Variants in TNS3 observed in about 807,000 individuals in gnomAD.
TNS3 encodes the protein tensin 3.
A neutral mutation model predicts 140.9 loss-of-function variants in TNS3; 45 were observed. That is an observed-to-expected ratio of 0.32 (90% CI 0.25 to 0.41). The LOEUF is 0.41. TNS3 is among the 10% of genes least tolerant of loss of function. The pLI is 1.00. For synonymous variants in TNS3, 815 were observed against 788.4 expected (o/e 1.03, Z -0.56); for missense variants, 1,716 against 1,906.7 (o/e 0.90, Z 1.86).
chr7:47,321,878 A>C (rs1787754770), intron 20 of TNS3, among the ~76,000 whole-genome samples: 1 of 151,874 alleles, frequency 6.6e-6, no homozygotes, highest in Non-Finnish European at 1.5e-5. Flanking sequence ...TGTCTACAGC[A>C]CTCAAGCCTC....
At chr7:47,451,514 G>A (rs1490590624) in intron 4 of TNS3, among the ~76,000 whole-genome samples, 3 of 152,162 alleles carry the variant, frequency 2.0e-5, no homozygotes, top group Non-Finnish European at 4.4e-5. Flanking sequence ...CCAGGAGGTG[G>A]AGATTGCAGT....
At chr7:47,332,952 G>A (rs1042023704) in intron 20 of TNS3, among the ~76,000 whole-genome samples, 2 of 152,206 alleles carry the variant, frequency 1.3e-5, no homozygotes, top group Non-Finnish European at 2.9e-5. Context: ...GTAATGGAAT[G>A]AGCTGATAAA....
At chr7:47,503,342 G>C (rs1798296857) in intron 3 of TNS3, among the ~76,000 whole-genome samples, 1 of 151,900 alleles carries the variant, frequency 6.6e-6, no homozygotes, top group East Asian at 2.0e-4. Flanking sequence ...ATTTCCTTCA[G>C]GGGGGCACCA....
At chr7:47,338,576 T>C (rs1788765258) in intron 20 of TNS3, among the ~76,000 whole-genome samples, 1 of 152,236 alleles carries the variant, frequency 6.6e-6, no homozygotes, top group Non-Finnish European at 1.5e-5. Flanking sequence ...GCTTTTCTTT[T>C]TAATTTCAAC....
intron 4 of TNS3, among the ~76,000 whole-genome samples, chr7:47,451,067 G>A (rs1163073107): frequency 1.3e-5 from 2 of 152,320 alleles, no homozygotes; most frequent in South Asian, 2.1e-4. Flanking sequence ...CCAGGAGGTG[G>A]AGGTTGCAGT....
At chr7:47,345,395 T>C (rs1789274952) in intron 18 of TNS3, among the ~76,000 whole-genome samples, 1 of 152,230 alleles carries the variant, frequency 6.6e-6, no homozygotes. Context: ...TTACCCATGG[T>C]ATTAATATAT....
chr7:47,382,355 G>A (rs1002311136), intron 16 of TNS3, among the ~76,000 whole-genome samples: 2 of 152,160 alleles, frequency 1.3e-5, no homozygotes, highest in African/African-American at 4.8e-5. Flanking sequence ...GGCACCCACT[G>A]GTCTTCAGAT....
At chr7:47,468,992 G>A (rs1246488600) in intron 4 of TNS3, among the ~76,000 whole-genome samples, 2 of 152,142 alleles carry the variant, frequency 1.3e-5, no homozygotes, top group Non-Finnish European at 2.9e-5. Context: ...ATGGGGAAAG[G>A]ACACCTTATT....
At chr7:47,503,561 G>A (rs1281671768) in intron 3 of TNS3, among the ~76,000 whole-genome samples, 1 of 149,580 alleles carries the variant, frequency 6.7e-6, no homozygotes, top group South Asian at 2.2e-4. Flanking sequence ...AAACTTTCAA[G>A]TGATTGTACA....
Position 47,368,565 on chromosome 7 carries a change from T to G in TNS3, c.2081A>C (p.Asp694Ala). The change falls in exon 17 of 31, where the codon GAC becomes GCC. Residue 694 changes from aspartate (D) to alanine (A), a missense_variant. Asp to Ala is a moderately radical substitution (Grantham distance 126, BLOSUM62 -2). Transcript: ENST00000311160. The part of the protein sequence containing the change: ...TGPSPGSPTL[D>A]IDQSIEQLNR... Reference sequence around the variant, plus strand: ...GAGCTGCTCGATGGACTGGTCGATGTCCAGGGTGGGCGAGCCTGGGGAGGG... The same window carrying G: ...GAGCTGCTCGATGGACTGGTCGATGGCCAGGGTGGGCGAGCCTGGGGAGGG... 2 of 1,570,442 alleles carry G rather than the reference T, an allele frequency of 1.3e-6. No individual in the cohort carries two copies. The highest frequency in any genetic ancestry group is 1.7e-6 in the Non-Finnish European group (2 of 1,154,348).
In TNS3 at chr7:47,277,726, G is replaced by A. The variant is rs3210894; in HGVS notation, c.*350C>T. ...AAGGGCTGGGGATTCCTCATCCCCC[G>A]GAATGCTAGTGTGCCAGGGACATGG... On this transcript the variant is annotated 3_prime_UTR_variant, in exon 31 of 31. Transcript: ENST00000311160. 78,169 of 337,522 alleles carry A rather than the reference G, an allele frequency of 0.23. 10,464 individuals are homozygous for A. Among genetic ancestry groups the A allele is most frequent in the East Asian group, 0.5 (6,160 of 12,404 alleles). 20.9% of individuals were successfully genotyped at this position (337,522 alleles called of 1,614,324 possible). A position where few individuals can be genotyped will look rare whatever the true frequency, so the allele number is the denominator to read the frequency against.
chr7:47,460,665 G>A (rs550225018), intron 4 of TNS3, among the ~76,000 whole-genome samples: 82 of 152,342 alleles, frequency 5.4e-4, no homozygotes, highest in South Asian at 1.9e-3. Flanking sequence ...GTGTGGGGCC[G>A]GAATGGCCCC....
intron 16 of TNS3, among the ~76,000 whole-genome samples, chr7:47,385,069 A>G (rs1010576194): frequency 5.9e-5 from 9 of 152,154 alleles, no homozygotes; most frequent in African/African-American, 2.2e-4. Context: ...TGTACAGGTC[A>G]AGTGACGCCA....
chr7:47,362,201 TGTG>T (rs1157525385), intron 17 of TNS3, among the ~76,000 whole-genome samples: 1 of 152,060 alleles, frequency 6.6e-6, no homozygotes, highest in Non-Finnish European at 1.5e-5. Flanking sequence ...GGCAGGCACT[TGTG>T]GGGAGTAAAA....
chr7:47,374,120 G>A (rs970185642), intron 16 of TNS3, among the ~76,000 whole-genome samples: 7 of 152,136 alleles, frequency 4.6e-5, no homozygotes, highest in Non-Finnish European at 1.0e-4. Flanking sequence ...CCAATCTAAG[G>A]GTTCTAAATT....
chr7:47,340,115 AT>A (rs770520080), intron 20 of TNS3, among the ~76,000 whole-genome samples: 150 of 28,418 alleles, frequency 5.3e-3, no homozygotes, highest in African/African-American at 0.013. Flanking sequence ...ATATATATAT[AT>A]TTTTTTTTTT....
intron 20 of TNS3, among the ~76,000 whole-genome samples, chr7:47,331,400 TTGGGC>T (rs1788334590): frequency 1.3e-5 from 2 of 152,182 alleles, no homozygotes; most frequent in Non-Finnish European, 2.9e-5. Context: ...GAGTGCTCAC[TTGGGC>T]ATTGCGGAGA....
Position 47,280,365 on chromosome 7 carries a change from A to G in TNS3, c.4098-11T>C. 1 of 1,614,022 alleles carries G rather than the reference A, an allele frequency of 6.2e-7. No individual in the cohort carries two copies. Among genetic ancestry groups the G allele is most frequent in the South Asian group, 1.1e-5 (1 of 91,082 alleles). On this transcript the variant is annotated splice_polypyrimidine_tract_variant and intron_variant, in intron 28 of 30. Transcript: ENST00000311160. ...CTCCGGAAGAAGAGCCTGTTGGGAC[A>G]TGGGGGAGAGAGGATGGCTCCTGTT...
intron 20 of TNS3, among the ~76,000 whole-genome samples, chr7:47,309,741 A>G (rs868353607): frequency 6.6e-6 from 1 of 152,238 alleles, no homozygotes; most frequent in Non-Finnish European, 1.5e-5. Context: ...ACAATCTTGG[A>G]GACATTACAA....
Sources: allele counts gnomAD v4.1 joint callset (sites outside exome capture counted in the v4.1 genomes callset), GRCh38; gene constraint gnomAD v4.1.1; transcripts MANE v1.5; gene names NCBI Gene and HGNC (gene_info 2026-07-23, HGNC 2026-07-21).